The following ZMAT4 variants were observed in gnomAD, a reference collection of about 807,000 sequenced individuals.
ZMAT4 encodes the protein zinc finger matrin-type 4.
ZMAT4 carries 17 observed loss-of-function variants against 28.7 expected under a neutral mutation model. That is an observed-to-expected ratio of 0.59 (90% CI 0.41 to 0.89). The LOEUF is 0.89. ZMAT4 is among the 40% of genes least tolerant of loss of function. ZMAT4 has a pLI of 0.00. For synonymous variants in ZMAT4, 117 were observed against 109.2 expected, an observed-to-expected ratio of 1.07 and a Z score of -0.44; for missense variants, 240 against 283.8, an observed-to-expected ratio of 0.85 and a Z score of 1.11.
intron 3 of ZMAT4, among the ~76,000 whole-genome samples, chr8:40,727,122 T>C (rs1435020285): frequency 6.6e-6 from 1 of 152,192 alleles, no homozygotes; most frequent in East Asian, 1.9e-4. Context: ...TGGAGTCCTT[T>C]TAGTTAGTGG....
intron 6 of ZMAT4, among the ~76,000 whole-genome samples, chr8:40,560,570 T>C (rs1367169611): frequency 1.3e-5 from 2 of 152,110 alleles, no homozygotes; most frequent in East Asian, 3.9e-4. Flanking sequence ...ACTTGTGTCT[T>C]GTGTCACTTG....
At position 40,667,037 on chromosome 8, in the gene ZMAT4, G is replaced by A. The variant is rs184959424; in HGVS notation, c.577+7667C>T. 1.6e-3 allele frequency among the ~76,000 whole-genome samples: 239 copies of A among 151,970 alleles called. 10 individuals carry two copies. In the South Asian group the frequency reaches 0.041, roughly 26 times the overall value. On this transcript the variant is annotated intron_variant, in intron 5 of 6. Transcript: ENST00000297737. ...TATATACACAGACTGCACGCATGGC[G>A]CCATTTGTAGTCAAAAGAAATGTAA...
At chr8:40,679,415 G>C (rs1178366312) in intron 4 of ZMAT4, among the ~76,000 whole-genome samples, 3 of 152,154 alleles carry the variant, frequency 2.0e-5, no homozygotes, top group Non-Finnish European at 4.4e-5. Context: ...ACAAAGGAAA[G>C]AGGTTTAATT....
chr8:40,895,213 T>C (rs914309789), intron 1 of ZMAT4, among the ~76,000 whole-genome samples: 10 of 152,344 alleles, frequency 6.6e-5, no homozygotes, highest in South Asian at 6.2e-4. Context: ...GGTCTGTGGA[T>C]AGTGCTTATC....
chr8:40,696,200 T>C (rs1809878365), intron 4 of ZMAT4, among the ~76,000 whole-genome samples: 2 of 152,158 alleles, frequency 1.3e-5, no homozygotes, highest in Non-Finnish European at 2.9e-5. Flanking sequence ...ACAAAAACAA[T>C]GTTGTTTAGT....
At chr8:40,738,058 G>T (rs1194917989) in intron 3 of ZMAT4, among the ~76,000 whole-genome samples, 1 of 152,136 alleles carries the variant, frequency 6.6e-6, no homozygotes, top group African/African-American at 2.4e-5. Flanking sequence ...AAGAAAAGCA[G>T]GAAGGGACGG....
intron 5 of ZMAT4, among the ~76,000 whole-genome samples, chr8:40,641,296 C>T (rs919067825): frequency 6.6e-6 from 1 of 152,120 alleles, no homozygotes; most frequent in Admixed American, 6.5e-5. Flanking sequence ...GAGAAGATGG[C>T]TGAGGCTTTG....
chr8:40,549,738 T>A (rs1803310978), intron 6 of ZMAT4, among the ~76,000 whole-genome samples: 2 of 152,172 alleles, frequency 1.3e-5, no homozygotes, highest in African/African-American at 4.8e-5. Flanking sequence ...AACTGATTTA[T>A]TTGAAGGAAA....
At chr8:40,569,027 T>A (rs1804011471) in intron 6 of ZMAT4, among the ~76,000 whole-genome samples, 2 of 152,212 alleles carry the variant, frequency 1.3e-5, no homozygotes, top group African/African-American at 4.8e-5. Flanking sequence ...AGGGCCTGTT[T>A]TAATGTCCCA....
At chr8:40,600,478 T>C (rs1868998) in intron 5 of ZMAT4, among the ~76,000 whole-genome samples, 70,682 of 152,132 alleles carry the variant, frequency 0.46, 18,700 homozygotes, top group Non-Finnish European at 0.6. Context: ...ATAGCCTTCT[T>C]ACTCCTTCTC....
chr8:40,547,606 C>A (rs1803245359), intron 6 of ZMAT4, among the ~76,000 whole-genome samples: 1 of 152,264 alleles, frequency 6.6e-6, no homozygotes, highest in Non-Finnish European at 1.5e-5. Flanking sequence ...AGATTTAGAG[C>A]TGGGCACTCT....
In ZMAT4 at chr8:40,752,594, C is replaced by T. The variant is rs540158964; in HGVS notation, c.192+15047G>A. ...GATCAGCATCCCTGTGACCGCGGGA[C>T]GGGACAGCAACGTTCCAATTCTCAG... On this transcript the variant is annotated intron_variant, in intron 3 of 6. Transcript: ENST00000297737. Among the ~76,000 whole-genome samples, 37 of 152,266 alleles carry T rather than the reference C, an allele frequency of 2.4e-4. No homozygotes were observed. In the South Asian group the frequency reaches 7.2e-3, roughly 30 times the overall value.
chr8:40,547,792 GC>G (rs1183363039), intron 6 of ZMAT4, among the ~76,000 whole-genome samples: 3 of 152,068 alleles, frequency 2.0e-5, no homozygotes, highest in Middle Eastern at 3.4e-3. Context: ...AATCAAAGTG[GC>G]AAAAACCCAC....
intron 4 of ZMAT4, 98 bp from the exon 5 acceptor site, chr8:40,675,029 T>C: frequency 1.1e-6 from 1 of 897,782 alleles, no homozygotes. Context: ...CTGTTCACTC[T>C]AGAGCTTAAA....
At chr8:40,688,111 C>T (rs1809495685) in intron 4 of ZMAT4, among the ~76,000 whole-genome samples, 1 of 152,170 alleles carries the variant, frequency 6.6e-6, no homozygotes, top group African/African-American at 2.4e-5. Flanking sequence ...AACTTCATTG[C>T]TTAGTCCTTC....
At chr8:40,815,395 T>C (rs545682346) in intron 2 of ZMAT4, among the ~76,000 whole-genome samples, 92 of 152,286 alleles carry the variant, frequency 6.0e-4, no homozygotes, top group African/African-American at 2.2e-3. Flanking sequence ...GAATTTGGTG[T>C]CAAAAGCAAA....
chr8:40,857,239 C>A (rs758678001), intron 1 of ZMAT4, among the ~76,000 whole-genome samples: 1 of 152,062 alleles, frequency 6.6e-6, no homozygotes, highest in Non-Finnish European at 1.5e-5. Context: ...TCTATAGTCC[C>A]AGCTACTCAG....
chr8:40,814,318 T>C (rs960662723), intron 2 of ZMAT4, among the ~76,000 whole-genome samples: 4 of 152,238 alleles, frequency 2.6e-5, no homozygotes, highest in Non-Finnish European at 4.4e-5. Context: ...CCCATCCTGT[T>C]AATATCTTTT....
chr8:40,873,780 C>A (rs541460550), intron 1 of ZMAT4, among the ~76,000 whole-genome samples: 6 of 152,176 alleles, frequency 3.9e-5, no homozygotes, highest in Non-Finnish European at 8.8e-5. Flanking sequence ...GGACATGTGA[C>A]CTTTTGGAGA....
Sources: gnomAD v4.1 joint callset for allele counts (sites outside exome capture counted in the v4.1 genomes callset) on GRCh38, gnomAD v4.1.1 for gene constraint, MANE v1.5 for transcripts, NCBI Gene and HGNC (gene_info 2026-07-23, HGNC 2026-07-21) for gene names.